HTR2C: variants seen among roughly 807,000 people sequenced by gnomAD.
The protein encoded by HTR2C is 5-hydroxytryptamine (serotonin) receptor 2C, G protein-coupled.
Under a neutral mutation model 21.0 loss-of-function variants are expected in HTR2C, and 5 were observed. The ratio of observed to expected loss-of-function variants is 0.24; its 90% CI spans 0.12 to 0.50. The LOEUF is 0.50. Ranked by LOEUF, HTR2C falls within the 20% of genes least tolerant of loss-of-function variation. The pLI is 0.98. For synonymous variants in HTR2C, 150 were observed against 145.3 expected (o/e 1.03, Z -0.23); for missense variants, 271 against 371.2 (o/e 0.73, Z 2.22).
chrX:114,684,688 T>C (rs1556413994), intron 2 of HTR2C, among the ~76,000 whole-genome samples: 1 of 111,236 alleles, frequency 9.0e-6, no homozygotes, highest in East Asian at 2.8e-4. Context: ...TTTTTTGGCA[T>C]ATAAAGTATT....
At chrX:114,738,777 C>T (rs1277746887) in intron 4 of HTR2C, among the ~76,000 whole-genome samples, 3 of 107,746 alleles carry the variant, frequency 2.8e-5, no homozygotes, top group East Asian at 3.0e-4. Context: ...GCACATTCTT[C>T]GCATGTATCC....
At chrX:114,767,112 A>G (rs1556435405) in intron 4 of HTR2C, among the ~76,000 whole-genome samples, 2 of 111,636 alleles carry the variant, frequency 1.8e-5, no homozygotes, top group Non-Finnish European at 3.8e-5. Context: ...TATGGGATAT[A>G]TAAGAGTTTT....
intron 4 of HTR2C, among the ~76,000 whole-genome samples, chrX:114,764,716 C>T (rs189016185): frequency 3.9e-4 from 44 of 111,534 alleles, no homozygotes; most frequent in African/African-American, 1.3e-3. Flanking sequence ...AACAATGGGA[C>T]GCACCTCCTA....
intron 2 of HTR2C, among the ~76,000 whole-genome samples, chrX:114,698,693 T>C (rs1569484920): frequency 8.9e-6 from 1 of 112,283 alleles, no homozygotes; most frequent in Non-Finnish European, 1.9e-5. Flanking sequence ...TTTGTAATTT[T>C]GATGTTCTAC....
intron 4 of HTR2C, among the ~76,000 whole-genome samples, chrX:114,830,143 G>T (rs1378923661): frequency 9.0e-6 from 1 of 111,563 alleles, no homozygotes; most frequent in African/African-American, 3.3e-5. Flanking sequence ...TGCCTGCAGA[G>T]CTCCTGGTGT....
At chrX:114,883,586 A>T (rs1273521541) in intron 5 of HTR2C, among the ~76,000 whole-genome samples, 1 of 109,735 alleles carries the variant, frequency 9.1e-6, no homozygotes, top group Non-Finnish European at 1.9e-5. Flanking sequence ...GTGTAGTTGC[A>T]TCCAGTAAGT....
At chrX:114,610,680 G>A (rs1468579782) in intron 1 of HTR2C, among the ~76,000 whole-genome samples, 1 of 111,373 alleles carries the variant, frequency 9.0e-6, no homozygotes, top group Non-Finnish European at 1.9e-5. Flanking sequence ...AGAGTCACTC[G>A]CCTACAAAGG....
chrX:114,649,629 A>G (rs1930479154), intron 2 of HTR2C, among the ~76,000 whole-genome samples: 1 of 110,255 alleles, frequency 9.1e-6, no homozygotes, highest in African/African-American at 3.3e-5. Context: ...TTGTTTTTTA[A>G]TTTTTTGATG....
intron 1 of HTR2C, among the ~76,000 whole-genome samples, chrX:114,597,106 T>C (rs1424413833): frequency 6.5e-5 from 7 of 106,903 alleles, no homozygotes; most frequent in Non-Finnish European, 1.2e-4. Flanking sequence ...TAATCCCAGC[T>C]ATTTGGGAGG....
At chrX:114,695,228 C>T (rs1932241929) in intron 2 of HTR2C, among the ~76,000 whole-genome samples, 1 of 112,088 alleles carries the variant, frequency 8.9e-6, no homozygotes, top group Non-Finnish European at 1.9e-5. Context: ...CTAAAATGAA[C>T]CTCGAAACAG....
chrX:114,664,970 G>A (rs181169170), intron 2 of HTR2C, among the ~76,000 whole-genome samples: 86 of 112,352 alleles, frequency 7.7e-4, no homozygotes, highest in African/African-American at 2.6e-3. Flanking sequence ...CAGCTTGTTT[G>A]AGATATCAAA....
At chrX:114,607,352 G>A (rs1383776423) in intron 1 of HTR2C, among the ~76,000 whole-genome samples, 2 of 111,437 alleles carry the variant, frequency 1.8e-5, no homozygotes, top group African/African-American at 6.5e-5. Flanking sequence ...CCATTTATTG[G>A]ATACTTAAAG....
At chrX:114,711,942 A>G (rs1932897917) in intron 2 of HTR2C, among the ~76,000 whole-genome samples, 1 of 112,050 alleles carries the variant, frequency 8.9e-6, no homozygotes, top group African/African-American at 3.2e-5. Context: ...GAAGATTTGT[A>G]TCAATTCTTT....
At chrX:114,800,596 G>T (rs2070336279) in intron 4 of HTR2C, among the ~76,000 whole-genome samples, 1 of 111,053 alleles carries the variant, frequency 9.0e-6, no homozygotes, top group Non-Finnish European at 1.9e-5. Flanking sequence ...TTTTTTCTTG[G>T]CTGTCCTTAT....
intron 1 of HTR2C, among the ~76,000 whole-genome samples, chrX:114,590,933 CAA>C (rs1274488894): frequency 1.8e-5 from 2 of 111,690 alleles, no homozygotes; most frequent in African/African-American, 6.5e-5. Flanking sequence ...GAAAGAAGCG[CAA>C]GTTTTCTTTT....
At chrX:114,652,132 CT>C (rs1387692509) in intron 2 of HTR2C, among the ~76,000 whole-genome samples, 3 of 110,775 alleles carry the variant, frequency 2.7e-5, no homozygotes, top group Admixed American at 9.7e-5. Context: ...TAATGAGAAT[CT>C]GTTACTTCAA....
Position 114,848,019 on chromosome X carries a change from A to G in HTR2C, c.366A>G (p.Leu122=), listed in dbSNP as rs147162016. 4.1e-5 allele frequency: 49 copies of G among 1,206,628 alleles called. No individual in the cohort carries two copies. The highest frequency in any genetic ancestry group is 5.4e-5 in the Non-Finnish European group (48 of 891,074). The change falls in exon 5 of 6, where the codon CTA becomes CTG. Residue 122 remains leucine (L), a synonymous_variant. Transcript: ENST00000276198. ...LAILYDYVWP[L]PRYLCPVWIS... ...CTCTTTCAGATTATGTCTGGCCACT[A>G]CCTAGATATTTGTGCCCCGTCTGGA...
At chrX:114,690,591 CA>C (rs781946253) in intron 2 of HTR2C, among the ~76,000 whole-genome samples, 44 of 110,582 alleles carry the variant, frequency 4.0e-4, no homozygotes, top group African/African-American at 1.4e-3. Flanking sequence ...AAGTAGCTCA[CA>C]AAAAAATAGA....
intron 4 of HTR2C, among the ~76,000 whole-genome samples, chrX:114,818,563 T>C (rs1319059562): frequency 8.9e-6 from 1 of 111,889 alleles, no homozygotes; most frequent in Non-Finnish European, 1.9e-5. Flanking sequence ...AGCAACAGCA[T>C]TGAACATAAG....
Sources: gnomAD v4.1 joint callset for allele counts (sites outside exome capture counted in the v4.1 genomes callset) on GRCh38, gnomAD v4.1.1 for gene constraint, MANE v1.5 for transcripts, NCBI Gene and HGNC (gene_info 2026-07-23, HGNC 2026-07-21) for gene names.